The following TEK variants were observed in gnomAD, a reference collection of about 807,000 sequenced individuals.
TEK encodes TEK receptor tyrosine kinase.
In TEK, 43 loss-of-function variants were observed where a neutral mutation model predicts 131.8. The observed-to-expected ratio is 0.33, with a 90% CI of 0.26 to 0.42. TEK has a LOEUF of 0.42. Ranked by LOEUF, TEK falls within the 10% of genes least tolerant of loss-of-function variation. The pLI is 1.00. For synonymous variants in TEK, 580 were observed against 491.6 expected (o/e 1.18, Z -2.38); for missense variants, 1,162 against 1,384.4 (o/e 0.84, Z 2.55).
intron 9 of TEK, among the ~76,000 whole-genome samples, chr9:27,188,895 G>C (rs1824701180): frequency 6.6e-6 from 1 of 152,124 alleles, no homozygotes; most frequent in Admixed American, 6.6e-5. Context: ...GAAAATTAAA[G>C]CAGAAATGGG....
intron 1 of TEK, among the ~76,000 whole-genome samples, chr9:27,110,776 ATAT>A (rs1433880789): frequency 6.6e-6 from 1 of 152,240 alleles, no homozygotes; most frequent in African/African-American, 2.4e-5. Flanking sequence ...GAATTTAATA[ATAT>A]TCTTTAAGAA....
At position 27,204,988 on chromosome 9, in the gene TEK, C is replaced by A. The variant is rs1417614132; in HGVS notation, c.2287C>A (p.Leu763Met). ...GSAGMTCLTV[L>M]LAFLIILQLK... ...TGCTGGAATGACCTGCCTGACTGTG[C>A]TGTTGGCCTTTCTGATCATATTGCA... Residue 763 changes from leucine to methionine, a missense_variant, in exon 14 of 23, where the codon CTG becomes ATG. By Grantham distance (15) the Leu-to-Met change is conservative. Around this residue, in one of 6 missense-constraint regions of TEK, gnomAD observed 477 missense variants for 471.0 expected, o/e 1.01. Transcript: ENST00000380036. 1.4e-5 allele frequency: 23 copies of A among 1,613,946 alleles called. No individual in the cohort carries two copies. Among genetic ancestry groups the A allele is most frequent in the Middle Eastern group, 3.3e-4 (2 of 6,084 alleles).
chr9:27,212,015 AATG>A (rs1250056336), intron 16 of TEK, among the ~76,000 whole-genome samples: 9 of 147,520 alleles, frequency 6.1e-5, no homozygotes, highest in African/African-American at 2.2e-4. Flanking sequence ...GAGAGAGAGA[AATG>A]ATGTGGAACA....
intron 1 of TEK, among the ~76,000 whole-genome samples, chr9:27,131,905 T>C (rs1217088222): frequency 6.6e-6 from 1 of 152,118 alleles, no homozygotes; most frequent in Non-Finnish European, 1.5e-5. Context: ...TGCATCAAAA[T>C]GTCAGCAAGG....
At position 27,229,436 on chromosome 9, in the gene TEK, A is replaced by G; in HGVS notation, c.*204A>G. On this transcript the variant is annotated 3_prime_UTR_variant, in exon 23 of 23. Transcript: ENST00000380036. ...TAATAGGACTGTATATACTGTTTTA[A>G]GAATGGGCTGAAATCAGAATGCCTG... is the stretch of plus-strand genomic sequence containing the variant. 1.7e-6 allele frequency: 1 copy of G among 601,422 alleles called. No individual in the cohort carries two copies. Among genetic ancestry groups the G allele is most frequent in the East Asian group, 2.8e-5 (1 of 35,412 alleles). The allele number at this position is 601,422 out of a possible 1,614,324, so 37.3% of individuals were successfully genotyped here. A position where few individuals can be genotyped will look rare whatever the true frequency, so the allele number is the denominator to read the frequency against.
At chr9:27,149,566 A>C (rs979840785) in intron 1 of TEK, among the ~76,000 whole-genome samples, 2 of 152,160 alleles carry the variant, frequency 1.3e-5, no homozygotes, top group Non-Finnish European at 2.9e-5. Flanking sequence ...AATTTCTTCC[A>C]TTATAGACTC....
intron 7 of TEK, among the ~76,000 whole-genome samples, chr9:27,181,890 C>G (rs1824391124): frequency 6.6e-6 from 1 of 152,168 alleles, no homozygotes; most frequent in South Asian, 2.1e-4. Flanking sequence ...TCTACACTCA[C>G]AATAATACAG....
intron 1 of TEK, among the ~76,000 whole-genome samples, chr9:27,133,904 C>T (rs914579379): frequency 2.6e-5 from 4 of 152,192 alleles, no homozygotes; most frequent in Non-Finnish European, 5.9e-5. Context: ...AGGATTTGCT[C>T]AGACAAAGAC....
chr9:27,147,440 C>T (rs1172680952), intron 1 of TEK, among the ~76,000 whole-genome samples: 2 of 151,658 alleles, frequency 1.3e-5, no homozygotes, highest in African/African-American at 4.9e-5. Context: ...TGTTTTCTTA[C>T]TGTTGAGTTT....
intron 4 of TEK, 141 bp downstream of exon 4, chr9:27,169,770 G>C (rs538397643): frequency 8.4e-7 from 1 of 1,195,414 alleles, no homozygotes; most frequent in East Asian, 2.4e-5. Flanking sequence ...CTGTTCTTAT[G>C]CTGCAAAGCA....
Position 27,113,095 on chromosome 9 carries a change from C to T in TEK, c.52+3453C>T, listed in dbSNP as rs140712490. 6.8e-3 allele frequency among the ~76,000 whole-genome samples: 1,034 copies of T among 152,248 alleles called. 9 individuals carry two copies. The highest frequency in any genetic ancestry group is 0.023 in the African/African-American group (936 of 41,532). Reference sequence around the variant, plus strand: ...ACTGAAGACCTGAGAAATTTAACAGCGAACATAGCAGGCAAACTGAAGGAG... The same window carrying T: ...ACTGAAGACCTGAGAAATTTAACAGTGAACATAGCAGGCAAACTGAAGGAG... On this transcript the variant is annotated intron_variant, in intron 1 of 22. Transcript: ENST00000380036.
intron 1 of TEK, among the ~76,000 whole-genome samples, chr9:27,143,674 T>C (rs1822810206): frequency 6.6e-6 from 1 of 152,112 alleles, no homozygotes; most frequent in Admixed American, 6.6e-5. Context: ...GAACAACATA[T>C]ATATATATGT....
At chr9:27,147,141 A>G (rs1822957903) in intron 1 of TEK, among the ~76,000 whole-genome samples, 1 of 152,186 alleles carries the variant, frequency 6.6e-6, no homozygotes, top group African/African-American at 2.4e-5. Context: ...TGTTAAACCA[A>G]TTTCCACAGT....
chr9:27,212,583 G>C, intron 16 of TEK, 124 bp from the exon 17 acceptor site: 1 of 979,068 alleles, frequency 1.0e-6, no homozygotes, highest in Non-Finnish European at 1.6e-6. Context: ...TGCTCCCTGG[G>C]TGGTGTTGCT....
intron 6 of TEK, 123 bp downstream of exon 6, chr9:27,173,485 A>T (rs1357241467): frequency 1.7e-6 from 2 of 1,201,050 alleles, no homozygotes. Context: ...ACTGGACAAC[A>T]GGATTTTGAA....
intron 17 of TEK, 41 bp from the exon 18 acceptor site, chr9:27,213,443 T>C (rs756182338): frequency 1.3e-6 from 2 of 1,502,826 alleles, no homozygotes; most frequent in Non-Finnish European, 1.9e-6. Flanking sequence ...CCCTGGGGCT[T>C]TCATTAGGCT....
Position 27,206,749 on chromosome 9 carries a change from G to A in TEK, c.2532G>A (p.Lys844=), listed in dbSNP as rs977663858. 1.2e-6 allele frequency: 2 copies of A among 1,613,994 alleles called. No homozygotes were observed. The highest frequency in any genetic ancestry group is 1.7e-6 in the Non-Finnish European group (2 of 1,179,994). ...NFGQVLKARI[K]KDGLRMDAAI... ...GCCAAGTTCTTAAGGCGCGCATCAA[G>A]AAGGATGGGTTACGGATGGATGCTG... The change falls in exon 15 of 23, where the codon AAG becomes AAA. Residue 844 remains lysine (K), a synonymous_variant. Coordinates refer to ENST00000380036, the MANE Select transcript of TEK (RefSeq NM_000459.5).
At chr9:27,145,795 C>G (rs1470436444) in intron 1 of TEK, among the ~76,000 whole-genome samples, 1 of 152,172 alleles carries the variant, frequency 6.6e-6, no homozygotes, top group African/African-American at 2.4e-5. Flanking sequence ...ACAGAAAGCT[C>G]ATTGTCTAAG....
intron 1 of TEK, among the ~76,000 whole-genome samples, chr9:27,149,952 G>A (rs1467314877): frequency 6.6e-6 from 1 of 152,140 alleles, no homozygotes; most frequent in Non-Finnish European, 1.5e-5. Flanking sequence ...AGTGAGTAGG[G>A]AAGATGATGA....
Sources: gnomAD v4.1 joint callset for allele counts (sites outside exome capture counted in the v4.1 genomes callset) on GRCh38, gnomAD v4.1.1 for gene constraint, gnomAD v4.1.1 regional missense constraint, MANE v1.5 for transcripts, NCBI Gene and HGNC (gene_info 2026-07-23, HGNC 2026-07-21) for gene names.